CBX1: variants seen among roughly 807,000 people sequenced by gnomAD.
CBX1 encodes chromobox protein homolog 1.
Under a neutral mutation model 25.1 loss-of-function variants are expected in CBX1, and 10 were observed. The observed-to-expected ratio is 0.40, with a 90% CI of 0.25 to 0.68. The LOEUF (loss-of-function observed/expected upper bound fraction) is 0.68. CBX1 is among the 30% of genes least tolerant of loss of function. The pLI is 0.40. For synonymous variants in CBX1, 63 were observed against 79.4 expected (o/e 0.79, Z 1.10); for missense variants, 106 against 218.5 (o/e 0.49, Z 3.25).
chr17:48,093,063 T>C (rs1395565352), intron 1 of CBX1, among the ~76,000 whole-genome samples: 3 of 77,948 alleles, frequency 3.8e-5, no homozygotes, highest in Admixed American at 2.0e-4. Flanking sequence ...AGAGCAAAAC[T>C]CTGTCTCAAA....
At chr17:48,084,658 C>G (rs908129763) in intron 1 of CBX1, among the ~76,000 whole-genome samples, 13 of 149,526 alleles carry the variant, frequency 8.7e-5, no homozygotes, top group African/African-American at 3.3e-4. Flanking sequence ...CGCCTGTAAT[C>G]CCAGCACTTT....
chr17:48,085,151 A>G (rs1267407003), intron 1 of CBX1, among the ~76,000 whole-genome samples: 1 of 152,210 alleles, frequency 6.6e-6, no homozygotes, highest in Non-Finnish European at 1.5e-5. Flanking sequence ...ACATTTGAAG[A>G]TTCCTAGAAA....
At chr17:48,077,873 G>A (rs1472635586) in intron 1 of CBX1, among the ~76,000 whole-genome samples, 1 of 152,082 alleles carries the variant, frequency 6.6e-6, no homozygotes, top group Non-Finnish European at 1.5e-5. Flanking sequence ...AAATTGAAAG[G>A]CTGGGTGCAG....
intron 2 of CBX1, among the ~76,000 whole-genome samples, 156 bp from the exon 3 acceptor site, chr17:48,076,334 C>A (rs1480315143): frequency 6.6e-6 from 1 of 152,204 alleles, no homozygotes; most frequent in African/African-American, 2.4e-5. Context: ...AGCTAAGAAA[C>A]TGGCTTCCTT....
At chr17:48,090,100 T>C (rs1208099602) in intron 1 of CBX1, among the ~76,000 whole-genome samples, 3 of 151,702 alleles carry the variant, frequency 2.0e-5, no homozygotes, top group Non-Finnish European at 4.4e-5. Context: ...GAGATGGAGT[T>C]TCATCATGTT....
At position 48,093,950 on chromosome 17, in the gene CBX1, A is replaced by G. The variant is rs1346982264; in HGVS notation, c.-38+7318T>C. Among the ~76,000 whole-genome samples, 3 of 151,820 alleles carry G rather than the reference A, an allele frequency of 2.0e-5. No individual in the cohort carries two copies. The East Asian group carries it at 5.8e-4, about 29-fold the overall frequency. ...GCCTGACCAACATGACCCCATCTCTACTAAAAATACAAAATGAGCTGGGTG... is the reference window on the plus strand; with the variant it reads ...GCCTGACCAACATGACCCCATCTCTGCTAAAAATACAAAATGAGCTGGGTG... On this transcript the variant is annotated intron_variant, in intron 1 of 4. Coordinates refer to ENST00000225603, the MANE Select transcript of CBX1 (RefSeq NM_001127228.2).
chr17:48,094,559 C>T (rs1171099286), intron 1 of CBX1, among the ~76,000 whole-genome samples: 7 of 151,674 alleles, frequency 4.6e-5, no homozygotes, highest in South Asian at 2.1e-4. Context: ...GGTGAAACCC[C>T]GTGTCTACTA....
chr17:48,100,698 C>G (rs562102557), intron 1 of CBX1: 1 of 985,430 alleles, frequency 1.0e-6, no homozygotes, highest in East Asian at 1.1e-4. Context: ...CTGCCCCTCC[C>G]CCTCCGTGTC....
chr17:48,101,117 G>A (rs909007056), intron 1 of CBX1, 151 bp downstream of exon 1: 1 of 986,424 alleles, frequency 1.0e-6, no homozygotes, highest in Non-Finnish European at 1.2e-6. Context: ...GAAGAGCTCA[G>A]CGCGGGAAGC....
chr17:48,081,172 G>A (rs943998634), intron 1 of CBX1, among the ~76,000 whole-genome samples: 1 of 150,752 alleles, frequency 6.6e-6, no homozygotes, highest in East Asian at 2.0e-4. Context: ...CACCTGCCTT[G>A]ACCTCCCAAA....
At chr17:48,080,639 A>G (rs1310816445) in intron 1 of CBX1, among the ~76,000 whole-genome samples, 1 of 151,642 alleles carries the variant, frequency 6.6e-6, no homozygotes, top group Non-Finnish European at 1.5e-5. Flanking sequence ...GTCCATCTAC[A>G]AGGCTGGGTG....
rs147871169 is a variant in CBX1 at position 48,079,603 on chromosome 17, G to A, written c.-37-2562C>T. Among the ~76,000 whole-genome samples, 6 of 150,368 alleles carry A rather than the reference G, an allele frequency of 4.0e-5. No homozygotes were observed. In the East Asian group the frequency reaches 1.2e-3, roughly 30 times the overall value. On this transcript the variant is annotated intron_variant, in intron 1 of 4. Coordinates refer to ENST00000225603, the MANE Select transcript of CBX1 (RefSeq NM_001127228.2). Reference sequence around the variant, plus strand: ...TGACCTCCTGGGCTCAAGTGATCCCGCTGCCTCAGTCTCCTGAGTAGCTGG... The same window carrying A: ...TGACCTCCTGGGCTCAAGTGATCCCACTGCCTCAGTCTCCTGAGTAGCTGG...
intron 2 of CBX1, among the ~76,000 whole-genome samples, chr17:48,076,433 A>C (rs2037675139): frequency 6.6e-6 from 1 of 152,192 alleles, no homozygotes; most frequent in African/African-American, 2.4e-5. Context: ...GGCTGGGTAC[A>C]GTGGCTCATG....
intron 1 of CBX1, among the ~76,000 whole-genome samples, chr17:48,090,533 A>G (rs974991908): frequency 6.6e-6 from 1 of 152,126 alleles, no homozygotes; most frequent in South Asian, 2.1e-4. Context: ...CTGCTGCTCT[A>G]TTCGAAGCCA....
chr17:48,095,292 A>G (rs2063367794), intron 1 of CBX1, among the ~76,000 whole-genome samples: 1 of 152,150 alleles, frequency 6.6e-6, no homozygotes, highest in South Asian at 2.1e-4. Context: ...TATGGACAAT[A>G]AAGATGGATG....
intron 1 of CBX1, 124 bp downstream of exon 1, chr17:48,101,144 G>A: frequency 2.0e-6 from 2 of 986,566 alleles, no homozygotes; most frequent in Non-Finnish European, 2.4e-6. Flanking sequence ...GCAGGACGCT[G>A]GACCCGGGCG....
intron 1 of CBX1, among the ~76,000 whole-genome samples, chr17:48,093,378 A>T (rs1022057224): frequency 1.3e-5 from 2 of 152,188 alleles, no homozygotes; most frequent in Admixed American, 6.6e-5. Flanking sequence ...CCGAAATGGC[A>T]AGCATACATA....
chr17:48,098,561 G>C (rs902810410), intron 1 of CBX1, among the ~76,000 whole-genome samples: 2 of 151,976 alleles, frequency 1.3e-5, no homozygotes, highest in Non-Finnish European at 2.9e-5. Flanking sequence ...GCAATAGCGC[G>C]ATCTCGGCTC....
At chr17:48,090,702 G>A (rs1302159839) in intron 1 of CBX1, among the ~76,000 whole-genome samples, 1 of 152,136 alleles carries the variant, frequency 6.6e-6, no homozygotes, top group African/African-American at 2.4e-5. Context: ...CTTGCGCTTT[G>A]CCCAACTTTT....
Sources: allele counts gnomAD v4.1 joint callset (sites outside exome capture counted in the v4.1 genomes callset), GRCh38; gene constraint gnomAD v4.1.1; transcripts MANE v1.5; gene names NCBI Gene and HGNC (gene_info 2026-07-23, HGNC 2026-07-21).